NRXN1: variants seen among roughly 807,000 people sequenced by gnomAD.
NRXN1 encodes the protein neurexin-1.
A neutral mutation model predicts 150.9 loss-of-function variants in NRXN1; 39 were observed. The observed-to-expected ratio is 0.26, with a 90% CI of 0.20 to 0.34. NRXN1 has a LOEUF of 0.34. Ranked by LOEUF, NRXN1 falls within the 10% of genes least tolerant of loss-of-function variation. The probability of loss-of-function intolerance (pLI) is 1.00; values close to 1 mark genes in which losing one functional copy is unlikely to be tolerated. For missense variants in NRXN1, 1,815 were observed against 1,949.9 expected (o/e 0.93, Z 1.30); for synonymous variants, 924 against 757.0 (o/e 1.22, Z -3.62).
At chr2:50,367,547 A>T (rs2079675995) in intron 17 of NRXN1, among the ~76,000 whole-genome samples, 2 of 151,932 alleles carry the variant, frequency 1.3e-5, no homozygotes, top group South Asian at 2.1e-4. Context: ...GAAATAAATG[A>T]TTGGGGGGTT....
intron 22 of NRXN1, among the ~76,000 whole-genome samples, chr2:49,935,474 T>C (rs1670872562): frequency 1.3e-5 from 2 of 152,228 alleles, no homozygotes; most frequent in Admixed American, 1.3e-4. Context: ...TGGTCTTTGC[T>C]ATTATATTGC....
chr2:50,996,502 T>G (rs1699303309), intron 2 of NRXN1, among the ~76,000 whole-genome samples: 1 of 152,092 alleles, frequency 6.6e-6, no homozygotes, highest in African/African-American at 2.4e-5. Flanking sequence ...ACATATTTAA[T>G]TAGTGTCAAA....
At chr2:50,721,539 T>A (rs1696655305) in intron 5 of NRXN1, among the ~76,000 whole-genome samples, 1 of 152,166 alleles carries the variant, frequency 6.6e-6, no homozygotes, top group African/African-American at 2.4e-5. Context: ...TGTGTTCTCC[T>A]TTGTGCCTGA....
intron 5 of NRXN1, among the ~76,000 whole-genome samples, chr2:50,858,774 T>A (rs1675643893): frequency 1.3e-5 from 2 of 152,134 alleles, no homozygotes; most frequent in Admixed American, 1.3e-4. Flanking sequence ...ATGTAATATT[T>A]GCATTTACAT....
chr2:50,565,650 T>A (rs114450966), intron 8 of NRXN1, among the ~76,000 whole-genome samples: 2,344 of 151,688 alleles, frequency 0.015, 71 homozygotes, highest in African/African-American at 0.052. Flanking sequence ...TGGAAAATAT[T>A]TTTTTTTAAT....
chr2:50,961,840 A>C (rs565395474), intron 2 of NRXN1, among the ~76,000 whole-genome samples: 5 of 151,868 alleles, frequency 3.3e-5, no homozygotes, highest in African/African-American at 1.2e-4. Context: ...TCATTTGTAT[A>C]TAGATACATA....
intron 5 of NRXN1, among the ~76,000 whole-genome samples, chr2:50,846,384 T>C (rs1000618610): frequency 3.3e-5 from 5 of 152,132 alleles, no homozygotes; most frequent in African/African-American, 1.2e-4. Flanking sequence ...TCTACTGCAC[T>C]CGCCAGCCAG....
chr2:50,510,383 G>A (rs562930728), intron 12 of NRXN1, among the ~76,000 whole-genome samples: 1 of 150,454 alleles, frequency 6.6e-6, no homozygotes, highest in African/African-American at 2.5e-5. Context: ...CTACTCAGGA[G>A]GCTGAGGCAG....
intron 5 of NRXN1, chr2:50,829,628 G>C: frequency 1.2e-6 from 2 of 1,611,882 alleles, no homozygotes; most frequent in Non-Finnish European, 1.7e-6. Context: ...TACTACTGGG[G>C]ATTCCAGTAG....
intron 2 of NRXN1, among the ~76,000 whole-genome samples, chr2:50,942,148 G>A (rs1001340163): frequency 6.6e-6 from 1 of 152,180 alleles, no homozygotes; most frequent in African/African-American, 2.4e-5. Context: ...GCTTCCACAT[G>A]GTGTTGGGCC....
chr2:50,386,394 T>G (rs1157306922), intron 17 of NRXN1, among the ~76,000 whole-genome samples: 1 of 152,092 alleles, frequency 6.6e-6, no homozygotes, highest in African/African-American at 2.4e-5. Context: ...AAGCCAATCA[T>G]GAGATTTGGC....
intron 18 of NRXN1, among the ~76,000 whole-genome samples, chr2:50,216,821 A>C (rs1423864989): frequency 1.3e-5 from 2 of 152,102 alleles, no homozygotes; most frequent in African/African-American, 2.4e-5. Context: ...GTGTGATTCC[A>C]AACATGCACC....
chr2:50,444,376 G>C (rs903491721), intron 17 of NRXN1, among the ~76,000 whole-genome samples: 7 of 152,134 alleles, frequency 4.6e-5, no homozygotes, highest in Admixed American at 4.6e-4. Flanking sequence ...CCTCTTGGAA[G>C]CTGAATAACC....
intron 8 of NRXN1, 55 bp from the exon 9 acceptor site, chr2:50,553,080 C>T (rs1667762587): frequency 7.2e-6 from 9 of 1,257,242 alleles, no homozygotes; most frequent in African/African-American, 1.5e-5. Flanking sequence ...ATATCTGAAA[C>T]TTGTGAACAG....
intron 10 of NRXN1, among the ~76,000 whole-genome samples, chr2:50,535,444 C>T (rs556747748): frequency 7.2e-5 from 11 of 152,192 alleles, no homozygotes; most frequent in Non-Finnish European, 8.8e-5. Flanking sequence ...TTGTGATCAA[C>T]GATGAAAATC....
chr2:50,095,172 C>A (rs1367044779), intron 18 of NRXN1, among the ~76,000 whole-genome samples: 1 of 152,168 alleles, frequency 6.6e-6, no homozygotes, highest in Non-Finnish European at 1.5e-5. Flanking sequence ...TCTGCTATTA[C>A]AGAGGAGTAA....
intron 19 of NRXN1, among the ~76,000 whole-genome samples, chr2:50,055,306 C>T (rs538755014): frequency 6.6e-6 from 1 of 152,210 alleles, no homozygotes; most frequent in South Asian, 2.1e-4. Context: ...TATAGACAGA[C>T]CCGAACAACC....
chr2:50,920,165 A>G (rs1329707159), intron 5 of NRXN1, among the ~76,000 whole-genome samples: 3 of 151,758 alleles, frequency 2.0e-5, no homozygotes, highest in Admixed American at 2.0e-4. Context: ...CAATAATAGA[A>G]GAAGAATGCA....
At chr2:50,624,502 GACAA>G (rs1680639871) in intron 5 of NRXN1, among the ~76,000 whole-genome samples, 1 of 151,980 alleles carries the variant, frequency 6.6e-6, no homozygotes, top group Non-Finnish European at 1.5e-5. Context: ...TCAATGAAGA[GACAA>G]ACAGTTTTAT....
Sources: allele counts gnomAD v4.1 joint callset (sites outside exome capture counted in the v4.1 genomes callset), GRCh38; gene constraint gnomAD v4.1.1; transcripts MANE v1.5; gene names NCBI Gene and HGNC (gene_info 2026-07-23, HGNC 2026-07-21).